The following SLC45A3 variants were observed in gnomAD, a reference collection of about 807,000 sequenced individuals.
SLC45A3 encodes solute carrier family 45 member 3, also known as prostate cancer associated protein 2.
A neutral mutation model predicts 35.3 loss-of-function variants in SLC45A3; 17 were observed. That is an observed-to-expected ratio of 0.48 (90% CI 0.33 to 0.72). The LOEUF (loss-of-function observed/expected upper bound fraction) is 0.72. SLC45A3 is among the 30% of genes least tolerant of loss of function. SLC45A3 has a pLI of 0.02. For missense variants in SLC45A3, 597 were observed against 731.7 expected (o/e 0.82, Z 2.12); for synonymous variants, 288 against 334.3 (o/e 0.86, Z 1.51).
chr1:205,672,473 G>T (rs183993720), intron 1 of SLC45A3, among the ~76,000 whole-genome samples: 423 of 152,320 alleles, frequency 2.8e-3, no homozygotes, highest in Non-Finnish European at 5.2e-3. Flanking sequence ...TGCCTCAGAG[G>T]CGTCTAGCGT....
chr1:205,666,926 C>T lies in SLC45A3; in HGVS notation c.-230-2040G>A, dbSNP rs1420655978. Among the ~76,000 whole-genome samples, 1 of 152,206 alleles carries T rather than the reference C, an allele frequency of 6.6e-6. No homozygotes were observed. The highest frequency in any genetic ancestry group is 2.4e-5 in the African/African-American group (1 of 41,462). On this transcript the variant is annotated intron_variant, in intron 1 of 4. Transcript: ENST00000367145. This position sits in a 1 kb window ranked among gnomAD's most constrained non-coding sequence, Gnocchi z 4.1. ...AAGGCTTCCAGCCCATTCCACTCCC[C>T]ACCCTTGTTCTGGGAGGGCCCTGAA...
Position 205,662,174 on chromosome 1 carries a change from G to T in SLC45A3, c.959-48C>A. On this transcript the variant is annotated intron_variant, in intron 3 of 4. Coordinates refer to ENST00000367145, the MANE Select transcript of SLC45A3 (RefSeq NM_033102.3). This position sits in a 1 kb window ranked among gnomAD's most constrained non-coding sequence, Gnocchi z 6.2. ...AGACAGAGCCTGGGAGGGAAGGGTC[G>T]GAGCAGTCTCAGGGAGATGAGAAGG... The T allele has an allele frequency of 6.3e-7, 1 of 1,575,644 alleles. No individual in the cohort carries two copies. Among genetic ancestry groups the T allele is most frequent in the East Asian group, 2.3e-5 (1 of 44,022 alleles).
chr1:205,668,058 C>T (rs1406911874), intron 1 of SLC45A3, among the ~76,000 whole-genome samples: 2 of 152,070 alleles, frequency 1.3e-5, no homozygotes, highest in African/African-American at 4.8e-5. Context: ...TGGCAGAGTC[C>T]GTCCTCCCTT....
At chr1:205,675,562 T>C (rs911578510) in intron 1 of SLC45A3, among the ~76,000 whole-genome samples, 1 of 152,158 alleles carries the variant, frequency 6.6e-6, no homozygotes, top group African/African-American at 2.4e-5. Context: ...CTCTCCCCAG[T>C]GAGGTGTGCT....
intron 1 of SLC45A3, among the ~76,000 whole-genome samples, chr1:205,673,477 A>C (rs1373582322): frequency 6.6e-6 from 1 of 152,216 alleles, no homozygotes; most frequent in Non-Finnish European, 1.5e-5. Context: ...CTCCCTGTCC[A>C]TGTACAGCCA....
chr1:205,670,485 C>T (rs1464052191), intron 1 of SLC45A3, among the ~76,000 whole-genome samples: 1 of 152,170 alleles, frequency 6.6e-6, no homozygotes, highest in African/African-American at 2.4e-5. Context: ...AATGAAGCCC[C>T]CCCACCTCAG....
In SLC45A3 at chr1:205,674,238, C is replaced by T. The variant is rs6701974; in HGVS notation, c.-231+6156G>A. ...GGGTGGGGGAGATCCCTTTTTCCTC[C>T]CTATCATAAAGGTCAGAACTGACAC... is the stretch of plus-strand genomic sequence containing the variant. On this transcript the variant is annotated intron_variant, in intron 1 of 4. Transcript: ENST00000367145. 5.3e-3 allele frequency among the ~76,000 whole-genome samples: 801 copies of T among 150,900 alleles called. 7 individuals are homozygous for T. Among genetic ancestry groups the T allele is most frequent in the African/African-American group, 0.019 (769 of 41,316 alleles).
At chr1:205,678,679 G>A (rs1671351723) in intron 1 of SLC45A3, among the ~76,000 whole-genome samples, 1 of 152,192 alleles carries the variant, frequency 6.6e-6, no homozygotes, top group African/African-American at 2.4e-5. Flanking sequence ...GGGCCTGTCT[G>A]TCCACAGCTG....
chr1:205,658,721 C>T lies in SLC45A3; in HGVS notation c.*513G>A, dbSNP rs1670964143. The T allele has an allele frequency of 4.2e-6, 1 of 238,844 alleles. No homozygotes were observed. Among genetic ancestry groups the T allele is most frequent in the Non-Finnish European group, 8.3e-6 (1 of 120,706 alleles). 14.8% of individuals were successfully genotyped at this position (238,844 alleles called of 1,614,324 possible). A position where few individuals can be genotyped will look rare whatever the true frequency, so the allele number is the denominator to read the frequency against. On this transcript the variant is annotated 3_prime_UTR_variant, in exon 5 of 5. Transcript: ENST00000367145. Reference sequence around the variant, plus strand: ...TTGTGTGTTGCCCCTCAGGACTCTTCCCCTACAAATAACTTTCATATGTTC... The same window carrying T: ...TTGTGTGTTGCCCCTCAGGACTCTTTCCCTACAAATAACTTTCATATGTTC...
At chr1:205,661,775 C>A (rs1671028316) in intron 4 of SLC45A3, 86 bp downstream of exon 4, 1 of 1,525,542 alleles carries the variant, frequency 6.6e-7, no homozygotes, top group Non-Finnish European at 8.8e-7. Context: ...AAGTTGCTTG[C>A]CAGATACCAG....
At chr1:205,676,785 T>C (rs1671320729) in intron 1 of SLC45A3, among the ~76,000 whole-genome samples, 1 of 152,054 alleles carries the variant, frequency 6.6e-6, no homozygotes. Context: ...GCTGCCCCCC[T>C]CCCCAGCCCA....
intron 2 of SLC45A3, among the ~76,000 whole-genome samples, chr1:205,663,893 G>T (rs1377380655): frequency 6.6e-6 from 1 of 152,174 alleles, no homozygotes; most frequent in Non-Finnish European, 1.5e-5. Context: ...AACAAGCAGT[G>T]TGACTCCAGA....
chr1:205,664,350 C>T lies in SLC45A3; in HGVS notation c.172+135G>A. On this transcript the variant is annotated intron_variant, in intron 2 of 4. Coordinates refer to ENST00000367145, the MANE Select transcript of SLC45A3 (RefSeq NM_033102.3). This position sits in a 1 kb window ranked among gnomAD's most constrained non-coding sequence, Gnocchi z 5.3. ...TTGGTGTGCCCCCTCAGCCCAGGGT[C>T]ACCCTCCTGCCCAGCAATGCCTTCC... 8.5e-7 allele frequency: 1 copy of T among 1,180,872 alleles called. No individual in the cohort carries two copies. Among genetic ancestry groups the T allele is most frequent in the South Asian group, 1.5e-5 (1 of 68,486 alleles). The allele number at this position is 1,180,872 out of a possible 1,614,324, so 73.1% of individuals were successfully genotyped here.
intron 1 of SLC45A3, among the ~76,000 whole-genome samples, chr1:205,665,874 G>A (rs527756436): frequency 7.2e-5 from 11 of 152,298 alleles, no homozygotes; most frequent in Non-Finnish European, 1.3e-4. Context: ...CAGTATCTAA[G>A]CCTCTGCTTA....
chr1:205,668,139 G>A (rs922151751), intron 1 of SLC45A3, among the ~76,000 whole-genome samples: 5 of 152,002 alleles, frequency 3.3e-5, no homozygotes, highest in African/African-American at 9.7e-5. Context: ...TTCCCAGCCC[G>A]GAATTGCCTG....
chr1:205,671,163 G>A (rs2102408081), intron 1 of SLC45A3, among the ~76,000 whole-genome samples: 1 of 152,318 alleles, frequency 6.6e-6, no homozygotes. Context: ...CCTCACCTTG[G>A]CCAGAGTCAG....
Position 205,664,757 on chromosome 1 carries a change from G to A in SLC45A3, c.-101C>T, listed in dbSNP as rs553777077. 19 of 1,495,216 alleles carry A rather than the reference G, an allele frequency of 1.3e-5. No individual in the cohort carries two copies. The highest frequency in any genetic ancestry group is 6.9e-5 in the African/African-American group (5 of 71,980). The allele number at this position is 1,495,216 out of a possible 1,614,324, so 92.6% of individuals were successfully genotyped here. On this transcript the variant is annotated 5_prime_UTR_variant, in exon 2 of 5. Transcript: ENST00000367145. The surrounding 1 kb of genome is among the most constrained non-coding windows in gnomAD (Gnocchi z 5.3). Reference sequence around the variant, plus strand: ...GCTGCGGCCTCTCCTCCTTGCTGCCGCCAACTGCCTAGGAATCAGCCAGGC... The same window carrying A: ...GCTGCGGCCTCTCCTCCTTGCTGCCACCAACTGCCTAGGAATCAGCCAGGC...
In SLC45A3 at chr1:205,662,962, C is replaced by T; in HGVS notation, c.829G>A (p.Ala277Thr). The change falls in exon 3 of 5, where the codon GCT becomes ACT. Residue 277 changes from alanine (A) to threonine (T), a missense_variant. This residue lies in a region of SLC45A3 where 555 missense variants were observed against 664.9 expected (regional missense o/e 0.83). Transcript: ENST00000367145. The surrounding 1 kb of genome is among the most constrained non-coding windows in gnomAD (Gnocchi z 6.2). Reference protein sequence around the residue: ...MPRTLRRLFVAELCSWMALMT... With the variant: ...MPRTLRRLFVTELCSWMALMT... ...AGTGCCATCCAGCTGCACAGCTCAG[C>T]CACGAAGAGCCGGCGCAGGGTGCGG... 6.2e-7 allele frequency: 1 copy of T among 1,613,614 alleles called. No homozygotes were observed. Among genetic ancestry groups the T allele is most frequent in the Non-Finnish European group, 8.5e-7 (1 of 1,179,986 alleles).
chr1:205,665,471 C>A (rs182071554), intron 1 of SLC45A3, among the ~76,000 whole-genome samples: 92 of 152,222 alleles, frequency 6.0e-4, no homozygotes, highest in African/African-American at 2.2e-3. Flanking sequence ...CTGGGGTGAG[C>A]CTAGGCCTGA....
Sources: gnomAD v4.1 joint callset for allele counts (sites outside exome capture counted in the v4.1 genomes callset) on GRCh38, gnomAD v4.1.1 for gene constraint, gnomAD v4.1.1 regional missense constraint, Gnocchi (gnomAD v3.1) non-coding constraint, MANE v1.5 for transcripts, NCBI Gene and HGNC (gene_info 2026-07-23, HGNC 2026-07-21) for gene names.